Variants in KPNA6 observed in about 807,000 individuals in gnomAD.
KPNA6 encodes importin subunit alpha-7.
A neutral mutation model predicts 72.0 loss-of-function variants in KPNA6; 9 were observed. The observed-to-expected ratio is 0.13, with a 90% CI of 0.08 to 0.22. KPNA6 has a LOEUF of 0.22. Among genes scored for constraint, KPNA6 ranks in the 10% least tolerant of loss-of-function variants. KPNA6 has a pLI of 1.00. For synonymous variants in KPNA6, 219 were observed against 242.1 expected, an observed-to-expected ratio of 0.90 and a Z score of 0.89; for missense variants, 374 against 655.7, an observed-to-expected ratio of 0.57 and a Z score of 4.69.
At chr1:32,128,387 T>TTTTATATATATA (rs368301655) in intron 1 of KPNA6, among the ~76,000 whole-genome samples, 1 of 72,168 alleles carries the variant, frequency 1.4e-5, no homozygotes, top group Non-Finnish European at 2.8e-5. Context: ...ATATATGTAT[T>TTTTATATATATA]TATATATATA....
At chr1:32,117,101 C>T (rs1340933165) in intron 1 of KPNA6, among the ~76,000 whole-genome samples, 2 of 151,700 alleles carry the variant, frequency 1.3e-5, no homozygotes, top group African/African-American at 2.4e-5. Flanking sequence ...ACAAAGTGAA[C>T]ACATGCTGCT....
In KPNA6 at chr1:32,169,871, C is replaced by G. The variant is rs769788432; in HGVS notation, c.1245-11C>G. ...TACTAGTTTAGCACTTGCCTGGTCTCTGGCCCCTAGGTACCTGGTCTCACT... is the reference window on the plus strand; with the variant it reads ...TACTAGTTTAGCACTTGCCTGGTCTGTGGCCCCTAGGTACCTGGTCTCACT... On this transcript the variant is annotated splice_polypyrimidine_tract_variant and intron_variant, in intron 12 of 13. Transcript: ENST00000373625. 6.2e-7 allele frequency: 1 copy of G among 1,612,612 alleles called. No individual in the cohort carries two copies. Among genetic ancestry groups the G allele is most frequent in the South Asian group, 1.1e-5 (1 of 90,976 alleles).
chr1:32,128,762 CTGT>C (rs1257706824), intron 1 of KPNA6, among the ~76,000 whole-genome samples: 3 of 152,060 alleles, frequency 2.0e-5, no homozygotes, highest in African/African-American at 7.2e-5. Flanking sequence ...CTGTTTCAAA[CTGT>C]TTTCTCGTTT....
intron 12 of KPNA6, among the ~76,000 whole-genome samples, chr1:32,168,964 G>A (rs191665977): frequency 1.3e-5 from 2 of 152,276 alleles, no homozygotes; most frequent in African/African-American, 2.4e-5. Context: ...GAGGCAAGGA[G>A]GAGGAGTGTT....
intron 1 of KPNA6, among the ~76,000 whole-genome samples, chr1:32,112,915 G>A (rs943632948): frequency 6.6e-6 from 1 of 152,160 alleles, no homozygotes; most frequent in African/African-American, 2.4e-5. Context: ...GATCAGGGTG[G>A]TGATTGTCTG....
At chr1:32,123,562 G>A (rs1039044882) in intron 1 of KPNA6, among the ~76,000 whole-genome samples, 22 of 151,714 alleles carry the variant, frequency 1.5e-4, no homozygotes, top group Admixed American at 1.4e-3. Flanking sequence ...ACAACATGGT[G>A]AAACCCTGTC....
At chr1:32,114,455 T>TAAAAA (rs2124520462) in intron 1 of KPNA6, among the ~76,000 whole-genome samples, 1 of 141,820 alleles carries the variant, frequency 7.1e-6, no homozygotes, top group African/African-American at 2.8e-5. Flanking sequence ...AAAAAAAATA[T>TAAAAA]ATATATATAT....
rs60616241 is a variant in KPNA6 at position 32,173,173 on chromosome 1, T to TAAAAA, written c.*2296_*2300dup. ...ATTAAAAAACCATTCTCTTACAGTT[T>TAAAAA]AAAAAAAAAAAAAAAAAAAAAGCCT... On this transcript the variant is annotated 3_prime_UTR_variant, in exon 14 of 14. Transcript: ENST00000373625. The TAAAAA allele has an allele frequency of 0.037, 11,576 of 316,556 alleles. 506 individuals are homozygous for TAAAAA. The highest frequency in any genetic ancestry group is 0.13 in the South Asian group (627 of 5,000). The allele number at this position is 316,556 out of a possible 1,614,324, so 19.6% of individuals were successfully genotyped here.
intron 12 of KPNA6, among the ~76,000 whole-genome samples, chr1:32,168,722 A>ACCTTTAC (rs1373746183): frequency 6.6e-6 from 1 of 152,180 alleles, no homozygotes; most frequent in Non-Finnish European, 1.5e-5. Flanking sequence ...AAACCTGGAG[A>ACCTTTAC]CCTTTACAAG....
At chr1:32,108,358 G>T (rs199839719) in intron 1 of KPNA6, among the ~76,000 whole-genome samples, 2 of 152,242 alleles carry the variant, frequency 1.3e-5, no homozygotes, top group Non-Finnish European at 2.9e-5. Context: ...ACCTTGGCAC[G>T]CCTGGAGCCC....
At chr1:32,128,387 T>TATATATATATA in intron 1 of KPNA6, among the ~76,000 whole-genome samples, 1 of 72,168 alleles carries the variant, frequency 1.4e-5, no homozygotes, top group Admixed American at 1.8e-4. Context: ...ATATATGTAT[T>TATATATATATA]TATATATATA....
intron 10 of KPNA6, 33 bp downstream of exon 10, chr1:32,163,346 A>G (rs776170994): frequency 6.6e-7 from 1 of 1,504,450 alleles, no homozygotes; most frequent in Admixed American, 1.7e-5. Flanking sequence ...ATCTTAGACC[A>G]GCTATGGAAG....
In KPNA6 at chr1:32,154,597, C is replaced by G; in HGVS notation, c.14C>G (p.Ala5Gly). 1 of 1,612,702 alleles carries G rather than the reference C, an allele frequency of 6.2e-7. No homozygotes were observed. The highest frequency in any genetic ancestry group is 8.5e-7 in the Non-Finnish European group (1 of 1,179,368). The stretch of plus-strand genomic sequence containing the variant: ...GTATCTTTTCTTCTAGAGACCATGG[C>G]GAGCCCAGGGAAAGACAATTATCGA... Reference protein sequence around the residue: METMASPGKDNYRMK... With the variant: METMGSPGKDNYRMK... Residue 5 changes from alanine (A) to glycine (G), a missense_variant, in exon 2 of 14, where the codon GCG (alanine) becomes GGG (glycine). By Grantham distance (60) the Ala-to-Gly change is moderately conservative. This residue lies in a region of KPNA6 where 298 missense variants were observed against 495.4 expected (regional missense o/e 0.60). Transcript: ENST00000373625.
At chr1:32,168,887 C>G (rs907225032) in intron 12 of KPNA6, among the ~76,000 whole-genome samples, 21 of 152,036 alleles carry the variant, frequency 1.4e-4, no homozygotes, top group African/African-American at 5.1e-4. Flanking sequence ...ATTAGGGAGC[C>G]TGTGAAAAAT....
At position 32,163,239 on chromosome 1, in the gene KPNA6, A is replaced by C; in HGVS notation, c.916A>C (p.Asn306His). 1 of 1,611,816 alleles carries C rather than the reference A, an allele frequency of 6.2e-7. No homozygotes were observed. The highest frequency in any genetic ancestry group is 8.5e-7 in the Non-Finnish European group (1 of 1,178,130). The change falls in exon 10 of 14, where the codon AAT becomes CAT. Residue 306 changes from asparagine to histidine, a missense_variant. This residue lies in a region of KPNA6 where 298 missense variants were observed against 495.4 expected (regional missense o/e 0.60). Coordinates refer to ENST00000373625, the MANE Select transcript of KPNA6 (RefSeq NM_012316.5). The stretch of plus-strand genomic sequence containing the variant: ...TCAGATCTCCCTCCTCTGTAGGCAC[A>C]ATGATTACAAAGTGGCTTCTCCTGC... Reference protein sequence around the residue: ...CRRLVELLMHNDYKVASPALR... With the variant: ...CRRLVELLMHHDYKVASPALR...
chr1:32,115,158 C>T (rs1051558146), intron 1 of KPNA6, among the ~76,000 whole-genome samples: 2 of 150,196 alleles, frequency 1.3e-5, no homozygotes, highest in Non-Finnish European at 1.5e-5. Context: ...TTTTTTGAGA[C>T]GGAGTTTCTC....
chr1:32,133,189 C>A (rs6671640), intron 1 of KPNA6, among the ~76,000 whole-genome samples: 1 of 150,974 alleles, frequency 6.6e-6, no homozygotes. Context: ...ACAAAAAATA[C>A]GAAAATTAGC....
intron 13 of KPNA6, 140 bp downstream of exon 13, chr1:32,170,200 G>C (rs1201345747): frequency 1.4e-6 from 1 of 713,222 alleles, no homozygotes; most frequent in Non-Finnish European, 2.3e-6. Context: ...CTTCAGAACA[G>C]TTAAGAGCTC....
Position 32,114,787 on chromosome 1 carries a change from C to T in KPNA6, c.4+6653C>T, listed in dbSNP as rs540625029. On this transcript the variant is annotated intron_variant, in intron 1 of 13. Coordinates refer to ENST00000373625, the MANE Select transcript of KPNA6 (RefSeq NM_012316.5). ...TAGTGTAGCCACTTTCATTAATGAT[C>T]TTAGCTTGATCTTCTGGATAACTTG... is the stretch of plus-strand genomic sequence containing the variant. Among the ~76,000 whole-genome samples, 10 of 152,310 alleles carry T rather than the reference C, an allele frequency of 6.6e-5. No homozygotes were observed. The East Asian group carries it at 1.9e-3, about 29-fold the overall frequency.
Sources: gnomAD v4.1 joint callset for allele counts (sites outside exome capture counted in the v4.1 genomes callset) on GRCh38, gnomAD v4.1.1 for gene constraint, gnomAD v4.1.1 regional missense constraint, MANE v1.5 for transcripts, NCBI Gene and HGNC (gene_info 2026-07-23, HGNC 2026-07-21) for gene names.